ERG: variants seen among roughly 807,000 people sequenced by gnomAD.
ERG encodes the protein ETS transcription factor ERG.
Under a neutral mutation model 55.3 loss-of-function variants are expected in ERG, and 9 were observed. The ratio of observed to expected loss-of-function variants is 0.16; its 90% CI spans 0.10 to 0.28. The LOEUF (loss-of-function observed/expected upper bound fraction) is 0.28. Among genes scored for constraint, ERG ranks in the 10% least tolerant of loss-of-function variants. The pLI is 1.00. For missense variants in ERG, 434 were observed against 631.6 expected (o/e 0.69, Z 3.35); for synonymous variants, 223 against 237.3 (o/e 0.94, Z 0.55).
At chr21:38,639,244 C>G (rs1390118197) in intron 1 of ERG, among the ~76,000 whole-genome samples, 3 of 152,114 alleles carry the variant, frequency 2.0e-5, no homozygotes, top group Non-Finnish European at 4.4e-5. Flanking sequence ...TGAATTATTT[C>G]CTAGTGAAGA....
intron 2 of ERG, among the ~76,000 whole-genome samples, chr21:38,511,530 T>C (rs1334469061): frequency 6.6e-6 from 1 of 152,180 alleles, no homozygotes; most frequent in East Asian, 1.9e-4. Context: ...TCTAAGACTT[T>C]GGGTGGTAAG....
At chr21:38,420,486 G>C (rs1470088833) in intron 3 of ERG, among the ~76,000 whole-genome samples, 2 of 152,208 alleles carry the variant, frequency 1.3e-5, no homozygotes, top group Non-Finnish European at 2.9e-5. Flanking sequence ...CTGAAGAGAA[G>C]AGTACTTTGC....
At chr21:38,589,412 G>A (rs1017817659), upstream of ERG, among the ~76,000 whole-genome samples, 24 of 152,172 alleles carry the variant, frequency 1.6e-4, no homozygotes, top group Admixed American at 5.9e-4. Context: ...CCTCCCTTAT[G>A]GAAGGAAACA....
intron 1 of ERG, among the ~76,000 whole-genome samples, chr21:38,486,223 G>A (rs966964615): frequency 5.9e-5 from 9 of 152,204 alleles, no homozygotes; most frequent in Admixed American, 2.6e-4. Context: ...GTGAGCCACC[G>A]CACCTGGCCT....
At chr21:38,566,382 T>A (rs1237183687) in intron 2 of ERG, among the ~76,000 whole-genome samples, 1 of 152,228 alleles carries the variant, frequency 6.6e-6, no homozygotes, top group Non-Finnish European at 1.5e-5. Flanking sequence ...ACAACGAGGA[T>A]AATGATCCTC....
chr21:38,612,721 T>C (rs1291024306), intron 1 of ERG, among the ~76,000 whole-genome samples: 2 of 150,312 alleles, frequency 1.3e-5, no homozygotes, highest in South Asian at 2.1e-4. Context: ...TGGAGTGCAG[T>C]GGTGCAATCT....
intron 2 of ERG, among the ~76,000 whole-genome samples, chr21:38,431,216 G>A (rs975478563): frequency 6.6e-6 from 1 of 152,162 alleles, no homozygotes; most frequent in Non-Finnish European, 1.5e-5. Flanking sequence ...AGGCAGACAC[G>A]TTGCTAAGCC....
At chr21:38,531,789 C>T (rs143479275) in intron 2 of ERG, among the ~76,000 whole-genome samples, 19 of 152,126 alleles carry the variant, frequency 1.2e-4, no homozygotes, top group African/African-American at 3.4e-4. Context: ...GAGTCAAGCG[C>T]TGCTGTGAGT....
At chr21:38,466,388 AT>A (rs1425601247) in intron 1 of ERG, among the ~76,000 whole-genome samples, 1 of 150,954 alleles carries the variant, frequency 6.6e-6, no homozygotes, top group Non-Finnish European at 1.5e-5. Flanking sequence ...TATATAAATC[AT>A]CTCATCTTGC....
chr21:38,395,932 G>A (rs770130621), intron 6 of ERG, among the ~76,000 whole-genome samples: 4 of 152,026 alleles, frequency 2.6e-5, no homozygotes, highest in Admixed American at 1.3e-4. Context: ...ACCCCACACC[G>A]CCACCCCGCT....
chr21:38,400,413 T>A (rs752312266), intron 6 of ERG, 161 bp downstream of exon 6: 1 of 752,072 alleles, frequency 1.3e-6, no homozygotes, highest in Non-Finnish European at 2.5e-6. Context: ...ATGGTTTGAG[T>A]GGATTTAGTC....
chr21:38,425,956 G>C (rs1392025597), intron 2 of ERG, among the ~76,000 whole-genome samples: 2 of 152,260 alleles, frequency 1.3e-5, no homozygotes, highest in Non-Finnish European at 2.9e-5. Context: ...TGAAAATATA[G>C]GTTTGTTCTC....
In ERG at chr21:38,382,786, A is replaced by T; in HGVS notation, c.*617T>A. On this transcript the variant is annotated 3_prime_UTR_variant, in exon 10 of 10. Coordinates refer to ENST00000288319, the MANE Select transcript of ERG (RefSeq NM_182918.4). Reference sequence around the variant, plus strand: ...CATAGTCCCGGTAATACTGTAAAGGAGTTGGAAACTTTGGGTCATCTTCAC... The same window carrying T: ...CATAGTCCCGGTAATACTGTAAAGGTGTTGGAAACTTTGGGTCATCTTCAC... 1 of 1,066,192 alleles carries T rather than the reference A, an allele frequency of 9.4e-7. No homozygotes were observed. Among genetic ancestry groups the T allele is most frequent in the African/African-American group, 1.6e-5 (1 of 61,190 alleles). 66.0% of individuals were successfully genotyped at this position (1,066,192 alleles called of 1,614,324 possible).
At chr21:38,585,729 G>T (rs1280688057), upstream of ERG, among the ~76,000 whole-genome samples, 8 of 151,524 alleles carry the variant, frequency 5.3e-5, no homozygotes, top group East Asian at 1.6e-3. Context: ...ATTTGTAATG[G>T]GCAGAATTAT....
intron 1 of ERG, among the ~76,000 whole-genome samples, chr21:38,493,733 G>A (rs895023312): frequency 1.3e-5 from 2 of 152,036 alleles, no homozygotes; most frequent in East Asian, 1.9e-4. Flanking sequence ...ACCCCTGGAC[G>A]CTCCACCTGC....
chr21:38,438,225 T>C (rs1292700267), intron 2 of ERG, among the ~76,000 whole-genome samples: 1 of 152,236 alleles, frequency 6.6e-6, no homozygotes, highest in Non-Finnish European at 1.5e-5. Flanking sequence ...CCACCTTCTT[T>C]AGAGCTGCCA....
chr21:38,509,899 G>A, intron 2 of ERG, among the ~76,000 whole-genome samples: 1 of 152,230 alleles, frequency 6.6e-6, no homozygotes, highest in Non-Finnish European at 1.5e-5. Flanking sequence ...CAGAGGCTCT[G>A]TCCCTAGCAT....
At chr21:38,515,855 A>AT (rs548455968) in intron 2 of ERG, among the ~76,000 whole-genome samples, 210 of 152,190 alleles carry the variant, frequency 1.4e-3, no homozygotes, top group Non-Finnish European at 2.4e-3. Context: ...AATATGATAC[A>AT]TCACATCAAT....
At chr21:38,389,618 G>A (rs371525315) in intron 9 of ERG, among the ~76,000 whole-genome samples, 4 of 151,100 alleles carry the variant, frequency 2.6e-5, no homozygotes, top group East Asian at 1.9e-4. Flanking sequence ...AGAGACCACA[G>A]CCTCAGGAGC....
Sources: gnomAD v4.1 joint callset for allele counts (sites outside exome capture counted in the v4.1 genomes callset) on GRCh38, gnomAD v4.1.1 for gene constraint, MANE v1.5 for transcripts, NCBI Gene and HGNC (gene_info 2026-07-23, HGNC 2026-07-21) for gene names.